The following SCN10A variants were observed in gnomAD, a reference collection of about 807,000 sequenced individuals.
SCN10A encodes the protein sodium channel protein type 10 subunit alpha.
In SCN10A, 162 loss-of-function variants were observed where a neutral mutation model predicts 170.7. The ratio of observed to expected loss-of-function variants is 0.95; its 90% CI spans 0.84 to 1.08. The LOEUF (loss-of-function observed/expected upper bound fraction) is 1.08. Ranked by LOEUF, SCN10A falls within the 50% of genes least tolerant of loss-of-function variation. The pLI, the probability that SCN10A is intolerant of heterozygous loss-of-function variation, is 0.00. For synonymous variants in SCN10A, 985 were observed against 904.6 expected, an observed-to-expected ratio of 1.09 and a Z score of -1.59; for missense variants, 2,527 against 2,436.9, an observed-to-expected ratio of 1.04 and a Z score of -0.78.
At chr3:38,709,407 G>C in intron 25 of SCN10A, 71 bp downstream of exon 25, 1 of 1,492,594 alleles carries the variant, frequency 6.7e-7, no homozygotes, top group South Asian at 1.4e-5. Context: ...GGAGGCCAGA[G>C]CTGGGCAGGG....
At chr3:38,702,233 C>A in intron 26 of SCN10A, 124 bp from the exon 27 acceptor site, 3 of 1,008,738 alleles carry the variant, frequency 3.0e-6, no homozygotes, top group Non-Finnish European at 4.1e-6. Context: ...AAATACTATC[C>A]TTACCTCTTC....
chr3:38,796,614 T>C (rs1268165040), intron 1 of SCN10A, among the ~76,000 whole-genome samples: 4 of 152,182 alleles, frequency 2.6e-5, no homozygotes, highest in African/African-American at 9.6e-5. Context: ...ATTTGACCCA[T>C]TCTTTTTTAT....
chr3:38,783,000 A>C (rs1416268450), intron 4 of SCN10A, among the ~76,000 whole-genome samples: 2 of 152,112 alleles, frequency 1.3e-5, no homozygotes, highest in East Asian at 3.9e-4. Context: ...TGGGTCTGGG[A>C]AAGACTCTCT....
At position 38,712,383 on chromosome 3, in the gene SCN10A, G is replaced by A; in HGVS notation, c.3867C>T (p.Leu1289=). Residue 1289 remains leucine (L), a synonymous_variant, in exon 23 of 28, where the codon CTC becomes CTT. Coordinates refer to ENST00000449082, the MANE Select transcript of SCN10A (RefSeq NM_006514.4). ...PSIMNVLLVC[L]IFWLIFSIMG... is the part of the protein sequence containing the mutation. ...TGATGCTGAAGATGAGCCAGAAGAT[G>A]AGGCAGACGAGGAGGACATTCATGA... 6.2e-7 allele frequency: 1 copy of A among 1,614,202 alleles called. No homozygotes were observed. Among genetic ancestry groups the A allele is most frequent in the Non-Finnish European group, 8.5e-7 (1 of 1,180,026 alleles).
chr3:38,770,376 G>C (rs2063984498), intron 5 of SCN10A, among the ~76,000 whole-genome samples: 1 of 152,170 alleles, frequency 6.6e-6, no homozygotes, highest in East Asian at 1.9e-4. Context: ...ATCAGGTGGG[G>C]GCAGGGGTAG....
intron 1 of SCN10A, among the ~76,000 whole-genome samples, chr3:38,795,201 A>G (rs965600619): frequency 6.6e-6 from 1 of 152,040 alleles, no homozygotes; most frequent in Admixed American, 6.6e-5. Flanking sequence ...CACTGTTTCC[A>G]GTCACTTTTC....
At chr3:38,713,114 A>G (rs749911248) in intron 22 of SCN10A, among the ~76,000 whole-genome samples, 45 of 152,186 alleles carry the variant, frequency 3.0e-4, no homozygotes, top group Admixed American at 7.9e-4. Flanking sequence ...TCAATCAGCA[A>G]TCTCTAAGAC....
intron 3 of SCN10A, among the ~76,000 whole-genome samples, chr3:38,789,345 G>C (rs1358577892): frequency 6.6e-6 from 1 of 152,132 alleles, no homozygotes; most frequent in South Asian, 2.1e-4. Context: ...CCATGCTGCA[G>C]AGATGTGAAC....
At chr3:38,760,268 T>C (rs1242712119) in intron 8 of SCN10A, among the ~76,000 whole-genome samples, 2 of 152,210 alleles carry the variant, frequency 1.3e-5, no homozygotes, top group African/African-American at 4.8e-5. Flanking sequence ...CTGGGAACAC[T>C]GCCATGAGAA....
rs1349493723 is a variant in SCN10A at position 38,756,841 on chromosome 3, T to C, written c.1123A>G (p.Ile375Val). ...TLRTSGKIYM[I>V]FFVLVIFLGS... The stretch of plus-strand genomic sequence containing the variant: ...AGGAAGATTACGAGCACAAAAAAGA[T>C]CATATAGATTTTCCCAGAAGTCCTC... The change falls in exon 10 of 28, where the codon ATC (isoleucine) becomes GTC (valine). Residue 375 changes from isoleucine to valine, a missense_variant. Ile to Val is a conservative substitution (Grantham distance 29). Transcript: ENST00000449082. The C allele has an allele frequency of 6.2e-7, 1 of 1,613,922 alleles. No individual in the cohort carries two copies. Among genetic ancestry groups the C allele is most frequent in the Non-Finnish European group, 8.5e-7 (1 of 1,180,016 alleles).
chr3:38,709,942 G>A (rs1575934951), intron 24 of SCN10A, among the ~76,000 whole-genome samples: 1 of 152,304 alleles, frequency 6.6e-6, no homozygotes, highest in African/African-American at 2.4e-5. Context: ...AAACTTATTG[G>A]TAAGGGTTGC....
intron 22 of SCN10A, 82 bp downstream of exon 22, chr3:38,713,876 C>G: frequency 6.4e-7 from 1 of 1,561,878 alleles, no homozygotes; most frequent in Non-Finnish European, 8.7e-7. Flanking sequence ...GATCCGCCCG[C>G]CTCAGCCTCC....
chr3:38,708,933 A>G (rs2063240329), intron 25 of SCN10A, among the ~76,000 whole-genome samples: 1 of 152,208 alleles, frequency 6.6e-6, no homozygotes, highest in Non-Finnish European at 1.5e-5. Flanking sequence ...AAATGAAAGG[A>G]TAATAGGAAA....
chr3:38,738,113 TC>T (rs1224659965), intron 15 of SCN10A, among the ~76,000 whole-genome samples: 1 of 151,810 alleles, frequency 6.6e-6, no homozygotes, highest in African/African-American at 2.4e-5. Flanking sequence ...GCTAATTTTT[TC>T]ATTTTTTGTA....
intron 4 of SCN10A, among the ~76,000 whole-genome samples, chr3:38,781,337 G>A (rs1005779153): frequency 3.3e-5 from 5 of 152,042 alleles, no homozygotes; most frequent in Non-Finnish European, 7.4e-5. Flanking sequence ...TCCCAGCAAA[G>A]CCATTACATC....
At chr3:38,782,750 T>C (rs991593126) in intron 4 of SCN10A, among the ~76,000 whole-genome samples, 4 of 152,146 alleles carry the variant, frequency 2.6e-5, no homozygotes, top group Admixed American at 6.6e-5. Flanking sequence ...ATTTTCAGTG[T>C]TCTGCATTTT....
chr3:38,750,018 C>A, intron 13 of SCN10A, 55 bp downstream of exon 13: 3 of 981,118 alleles, frequency 3.1e-6, no homozygotes, highest in South Asian at 1.4e-5. Context: ...TTCTGCTGCT[C>A]ACATGGGAAT....
At chr3:38,781,203 C>T (rs2064134855) in intron 4 of SCN10A, among the ~76,000 whole-genome samples, 1 of 152,082 alleles carries the variant, frequency 6.6e-6, no homozygotes, top group Non-Finnish European at 1.5e-5. Context: ...CTGGCAATGA[C>T]CAGCTTGGTG....
chr3:38,710,768 C>T, intron 24 of SCN10A, 76 bp downstream of exon 24: 1 of 1,429,748 alleles, frequency 7.0e-7, no homozygotes, highest in Non-Finnish European at 9.7e-7. Context: ...GTCATCGTCA[C>T]TTCATTTCAA....
Sources: allele counts gnomAD v4.1 joint callset (sites outside exome capture counted in the v4.1 genomes callset), GRCh38; gene constraint gnomAD v4.1.1; transcripts MANE v1.5; gene names NCBI Gene and HGNC (gene_info 2026-07-23, HGNC 2026-07-21).